The following NAPEPLD variants were observed in gnomAD, a reference collection of about 807,000 sequenced individuals.
NAPEPLD encodes the protein N-acyl phosphatidylethanolamine phospholipase D.
In NAPEPLD, 23 loss-of-function variants were observed where a neutral mutation model predicts 38.1. That is an observed-to-expected ratio of 0.60 (90% CI 0.43 to 0.86). The LOEUF (loss-of-function observed/expected upper bound fraction) is 0.86, where lower values mean the gene tolerates loss of function less well. NAPEPLD is among the 40% of genes least tolerant of loss of function. The pLI, the probability that NAPEPLD is intolerant of heterozygous loss-of-function variation, is 0.00. For missense variants in NAPEPLD, 411 were observed against 476.8 expected (o/e 0.86, Z 1.28); for synonymous variants, 147 against 162.0 (o/e 0.91, Z 0.71).
intron 2 of NAPEPLD, among the ~76,000 whole-genome samples, chr7:103,121,471 A>G (rs1243530784): frequency 6.6e-6 from 1 of 151,792 alleles, no homozygotes; most frequent in Non-Finnish European, 1.5e-5. Context: ...CCCCAGAAAC[A>G]TTTCCCTCCC....
chr7:103,140,387 CTTTTTTTTTTTTT>C (rs377763676), intron 1 of NAPEPLD, among the ~76,000 whole-genome samples: 1 of 92,636 alleles, frequency 1.1e-5, no homozygotes, highest in African/African-American at 4.3e-5. Context: ...TCACAGAACT[CTTTTTTTTTTTTT>C]TTTTTTTTTT....
intron 4 of NAPEPLD, among the ~76,000 whole-genome samples, chr7:103,110,069 C>T (rs570591043): frequency 3.3e-5 from 5 of 152,188 alleles, no homozygotes; most frequent in South Asian, 2.1e-4. Context: ...AAATTGAGGA[C>T]GCAATTAATA....
At chr7:103,146,175 C>G (rs935799918) in intron 1 of NAPEPLD, among the ~76,000 whole-genome samples, 4 of 152,018 alleles carry the variant, frequency 2.6e-5, no homozygotes, top group Non-Finnish European at 5.9e-5. Context: ...ATCCGGGTGT[C>G]CTATTAAGAT....
chr7:103,119,521 T>G, intron 3 of NAPEPLD, 56 bp downstream of exon 3: 1 of 1,529,420 alleles, frequency 6.5e-7, no homozygotes, highest in South Asian at 1.3e-5. Context: ...TGCTTTACTT[T>G]TAAATTCAGT....
chr7:103,118,752 GA>G (rs1806039494), intron 3 of NAPEPLD, among the ~76,000 whole-genome samples: 1 of 152,100 alleles, frequency 6.6e-6, no homozygotes, highest in African/African-American at 2.4e-5. Context: ...TTAATTCTTT[GA>G]AATCACTTCT....
chr7:103,119,393 TATTTA>T (rs950287181), intron 3 of NAPEPLD, among the ~76,000 whole-genome samples, 179 bp downstream of exon 3: 12 of 152,270 alleles, frequency 7.9e-5, no homozygotes, highest in African/African-American at 2.6e-4. Context: ...ATTTAAAAAA[TATTTA>T]ATTTAAAATA....
intron 1 of NAPEPLD, among the ~76,000 whole-genome samples, chr7:103,130,238 C>T (rs188039204): frequency 1.3e-5 from 2 of 152,272 alleles, no homozygotes; most frequent in Admixed American, 6.5e-5. Context: ...AGGATGAATA[C>T]GTACACAGAA....
Position 103,100,626 on chromosome 7 carries a change from A to G in NAPEPLD, c.*2803T>C, listed in dbSNP as rs1430245274. 5 of 152,248 alleles carry G rather than the reference A, an allele frequency of 3.3e-5. No individual in the cohort carries two copies. The highest frequency in any genetic ancestry group is 9.6e-5 in the African/African-American group (4 of 41,470). The allele number at this position is 152,248 out of a possible 1,614,324, so 9.4% of individuals were successfully genotyped here. ...ACAGGAAACTTCAATAAAATCTTAC[A>G]TATTGCTATGGGTATTCACGAAGAG... On this transcript the variant is annotated 3_prime_UTR_variant, in exon 5 of 5. Coordinates refer to ENST00000465647, the MANE Select transcript of NAPEPLD (RefSeq NM_001122838.3).
intron 1 of NAPEPLD, among the ~76,000 whole-genome samples, chr7:103,129,064 G>GACGGGAGTTCA (rs1808412329): frequency 6.6e-6 from 1 of 151,996 alleles, no homozygotes; most frequent in Admixed American, 6.6e-5. Flanking sequence ...TCGGGAGTTC[G>GACGGGAGTTCA]AGACCAGCCT....
chr7:103,103,799 A>G (rs1043995136), intron 4 of NAPEPLD, among the ~76,000 whole-genome samples: 9 of 152,254 alleles, frequency 5.9e-5, no homozygotes, highest in African/African-American at 2.2e-4. Context: ...ATTTGGTGCC[A>G]TCTTACTTTG....
At chr7:103,141,577 G>T (rs1811370597) in intron 1 of NAPEPLD, 3 of 1,055,110 alleles carry the variant, frequency 2.8e-6, no homozygotes, top group Non-Finnish European at 3.0e-6. Flanking sequence ...GGTACAGGCT[G>T]TGATACATGC....
At chr7:103,111,196 A>G (rs1236636641) in intron 4 of NAPEPLD, among the ~76,000 whole-genome samples, 2 of 152,230 alleles carry the variant, frequency 1.3e-5, no homozygotes, top group Non-Finnish European at 2.9e-5. Context: ...AAAGTAATTT[A>G]TAGAGTCAAT....
At chr7:103,146,021 G>C (rs576138341) in intron 1 of NAPEPLD, among the ~76,000 whole-genome samples, 1 of 152,120 alleles carries the variant, frequency 6.6e-6, no homozygotes, top group African/African-American at 2.4e-5. Context: ...AGAATATATA[G>C]ACAGCTTAGT....
rs746683932 is a variant in NAPEPLD, at chr7:103,119,675, GA to G, written c.842del (p.Phe281SerfsTer14). 7.2e-5 allele frequency: 116 copies of G among 1,613,440 alleles called. No individual in the cohort carries two copies. Among genetic ancestry groups the G allele is most frequent in the Non-Finnish European group, 9.5e-5 (112 of 1,179,884 alleles). The stretch of plus-strand genomic sequence containing the variant: ...CAGGGCAATAACCAGTATCTCCTGC[GA>G]AAAAAAATCGATTCCAAGGCCCCAA... ...SVLGPWNRFF[F>X]AGDTGYCPAF... On this transcript the variant is annotated frameshift_variant, in exon 3 of 5. Transcript: ENST00000465647. LOFTEE classifies it high-confidence loss of function.
intron 4 of NAPEPLD, among the ~76,000 whole-genome samples, chr7:103,113,359 CT>C (rs1804904293): frequency 6.6e-6 from 1 of 152,158 alleles, no homozygotes; most frequent in African/African-American, 2.4e-5. Flanking sequence ...CTCAGGGTTG[CT>C]GCCTCATGGC....
Position 103,149,080 on chromosome 7 carries a change from C to A in NAPEPLD, c.-286G>T. The A allele has an allele frequency of 1.0e-6, 1 of 985,500 alleles. No homozygotes were observed. Among genetic ancestry groups the A allele is most frequent in the Non-Finnish European group, 1.2e-6 (1 of 830,006 alleles). 61.0% of individuals were successfully genotyped at this position (985,500 alleles called of 1,614,324 possible). On this transcript the variant is annotated 5_prime_UTR_variant, in exon 1 of 5. Coordinates refer to ENST00000465647, the MANE Select transcript of NAPEPLD (RefSeq NM_001122838.3). Reference sequence around the variant, plus strand: ...TCCACTTCGCCGAAGAATTCCAAACCACCCCAGGCTCAGCAGTGTGGATTG... The same window carrying A: ...TCCACTTCGCCGAAGAATTCCAAACAACCCCAGGCTCAGCAGTGTGGATTG...
Position 103,135,224 on chromosome 7 carries a change from C to T in NAPEPLD, c.-16-6432G>A, listed in dbSNP as rs1357013361. 2.1e-4 allele frequency among the ~76,000 whole-genome samples: 32 copies of T among 152,308 alleles called. No homozygotes were observed. In the East Asian group the frequency reaches 4.2e-3, roughly 20 times the overall value. On this transcript the variant is annotated intron_variant, in intron 1 of 4. Coordinates refer to ENST00000465647, the MANE Select transcript of NAPEPLD (RefSeq NM_001122838.3). ...ATATCTCTGACTAAATAACATTAAACTTACTATTCTGTATTTGCTCTCCTT... is the reference window on the plus strand; with the variant it reads ...ATATCTCTGACTAAATAACATTAAATTTACTATTCTGTATTTGCTCTCCTT...
chr7:103,106,550 T>C (rs1254508691), intron 4 of NAPEPLD, among the ~76,000 whole-genome samples: 2 of 152,106 alleles, frequency 1.3e-5, no homozygotes, highest in African/African-American at 2.4e-5. Flanking sequence ...CCTGGGATGC[T>C]TGAGCTTGGT....
intron 1 of NAPEPLD, among the ~76,000 whole-genome samples, chr7:103,146,344 C>CAA (rs200723040): frequency 8.3e-5 from 8 of 96,640 alleles, no homozygotes; most frequent in Non-Finnish European, 1.1e-4. Flanking sequence ...GACTCCGTCT[C>CAA]AAAAAAAAAA....
Sources: gnomAD v4.1 joint callset for allele counts (sites outside exome capture counted in the v4.1 genomes callset) on GRCh38, gnomAD v4.1.1 for gene constraint, MANE v1.5 for transcripts, NCBI Gene and HGNC (gene_info 2026-07-23, HGNC 2026-07-21) for gene names.